The following PLCG2 variants were observed in gnomAD, a reference collection of about 807,000 sequenced individuals.
The protein encoded by PLCG2 is phospholipase C gamma 2.
In PLCG2, 69 loss-of-function variants were observed where a neutral mutation model predicts 175.6. The observed-to-expected ratio is 0.39, with a 90% confidence interval of 0.32 to 0.48. The LOEUF (loss-of-function observed/expected upper bound fraction) is 0.48, where lower values mean the gene tolerates loss of function less well. Ranked by LOEUF, PLCG2 falls within the 20% of genes least tolerant of loss-of-function variation. The probability of loss-of-function intolerance (pLI) is 0.91; values close to 1 mark genes in which losing one functional copy is unlikely to be tolerated. For missense variants in PLCG2, 1,798 were observed against 1,650.9 expected (o/e 1.09, Z -1.54); for synonymous variants, 827 against 624.0 (o/e 1.33, Z -4.85).
Position 81,939,885 on chromosome 16 carries a change from C to CT in PLCG2, c.3314-5dup, listed in dbSNP as rs1910868485. The CT allele has an allele frequency of 1.2e-6, 2 of 1,609,774 alleles. No homozygotes were observed. Among genetic ancestry groups the CT allele is most frequent in the Non-Finnish European group, 8.5e-7 (1 of 1,176,070 alleles). On this transcript the variant is annotated splice_region_variant and splice_polypyrimidine_tract_variant and intron_variant, in intron 29 of 32. Transcript: ENST00000564138. The stretch of plus-strand genomic sequence containing the variant: ...GTGGCCTCTCATGAGCTTTGATCTC[C>CT]TTCCAGATGATAATGGCCTCAGCCC...
At chr16:81,740,138 C>CAAAAAAAAAAAAAAAAAAAAAAAA (rs5818349) in intron 1 of PLCG2, 2 of 88,730 alleles carry the variant, frequency 2.3e-5, no homozygotes, top group South Asian at 4.0e-4. Context: ...ACTCTGTCTC[C>CAAAAAAAAAAAAAAAAAAAAAAAA]AAAAAAAAAA....
chr16:81,906,572 C>T (rs1302915784), intron 15 of PLCG2, among the ~76,000 whole-genome samples: 2 of 152,200 alleles, frequency 1.3e-5, no homozygotes, highest in African/African-American at 4.8e-5. Context: ...CACAGATGTG[C>T]ACCACCATGC....
chr16:81,798,706 G>C (rs1341145774), intron 2 of PLCG2: 2 of 152,284 alleles, frequency 1.3e-5, no homozygotes, highest in Non-Finnish European at 2.9e-5. Context: ...GAAGGAAATG[G>C]GAACTTACTA....
intron 7 of PLCG2, among the ~76,000 whole-genome samples, chr16:81,876,016 CTTTTTTTT>C (rs547152035): frequency 1.5e-4 from 17 of 115,012 alleles, no homozygotes; most frequent in Admixed American, 4.1e-4. Context: ...CTTTTTCTTT[CTTTTTTTT>C]TTTTTTTTTT....
intron 18 of PLCG2, among the ~76,000 whole-genome samples, chr16:81,911,848 A>C (rs1192792097): frequency 2.4e-5 from 3 of 125,004 alleles, no homozygotes; most frequent in African/African-American, 3.2e-5. Context: ...CCTAGGCTAG[A>C]GTGCAGTGGC....
At chr16:81,756,712 T>G (rs763794420) in intron 2 of PLCG2, among the ~76,000 whole-genome samples, 1 of 152,174 alleles carries the variant, frequency 6.6e-6, no homozygotes, top group Admixed American at 6.6e-5. Context: ...TTGGCACTGT[T>G]TTACAGATAA....
At chr16:81,950,172 C>G (rs1340701301) in intron 31 of PLCG2, among the ~76,000 whole-genome samples, 2 of 152,072 alleles carry the variant, frequency 1.3e-5, no homozygotes, top group Non-Finnish European at 2.9e-5. Context: ...GCTGAATCCT[C>G]CTATTAGAAA....
At chr16:81,886,270 C>G (rs965305763) in intron 9 of PLCG2, among the ~76,000 whole-genome samples, 2 of 152,110 alleles carry the variant, frequency 1.3e-5, no homozygotes, top group African/African-American at 4.8e-5. Context: ...GATCTGGGGC[C>G]AGGAGAAAGT....
intron 17 of PLCG2, 128 bp from the exon 18 acceptor site, chr16:81,910,392 C>G (rs929253770): frequency 2.5e-6 from 2 of 808,574 alleles, no homozygotes; most frequent in East Asian, 5.3e-5. Context: ...CGCCCAGCCT[C>G]CTGTGTCTGT....
intron 2 of PLCG2, among the ~76,000 whole-genome samples, chr16:81,797,571 G>A (rs766170129): frequency 3.3e-5 from 5 of 152,196 alleles, no homozygotes; most frequent in African/African-American, 4.8e-5. Context: ...CCAGCACCTG[G>A]CCCATATCTG....
upstream of PLCG2, among the ~76,000 whole-genome samples, chr16:81,776,083 CT>C (rs1910395908): frequency 2.4e-5 from 2 of 81,846 alleles, no homozygotes; most frequent in African/African-American, 8.7e-5. Context: ...TTCTCTCTCT[CT>C]CTCTCTTTCT....
intron 30 of PLCG2, among the ~76,000 whole-genome samples, chr16:81,941,997 T>C (rs2143742872): frequency 6.6e-6 from 1 of 152,360 alleles, no homozygotes; most frequent in South Asian, 2.1e-4. Flanking sequence ...ATTAGTCTAA[T>C]AAGGCTTAGG....
chr16:81,741,989 T>G (rs1909604480), intron 1 of PLCG2, among the ~76,000 whole-genome samples: 1 of 152,166 alleles, frequency 6.6e-6, no homozygotes, highest in Non-Finnish European at 1.5e-5. Flanking sequence ...TCCTCCTACC[T>G]AGCTGAAATT....
intron 1 of PLCG2, among the ~76,000 whole-genome samples, chr16:81,745,376 A>T (rs1909683920): frequency 6.6e-6 from 1 of 152,154 alleles, no homozygotes; most frequent in South Asian, 2.1e-4. Flanking sequence ...AGTCACTGAA[A>T]ATCTTCATGT....
chr16:81,909,424 T>TA (rs775540727), intron 17 of PLCG2, among the ~76,000 whole-genome samples: 2 of 151,596 alleles, frequency 1.3e-5, no homozygotes, highest in East Asian at 1.9e-4. Context: ...TTCTGTCACT[T>TA]AAAAAAAAAT....
intron 2 of PLCG2, among the ~76,000 whole-genome samples, chr16:81,824,273 A>T (rs763552705): frequency 6.6e-6 from 1 of 151,946 alleles, no homozygotes; most frequent in Middle Eastern, 3.2e-3. Context: ...AACTAGGATT[A>T]TAGGCATGCG....
At chr16:81,855,684 T>G (rs1422716231) in intron 3 of PLCG2, among the ~76,000 whole-genome samples, 1 of 152,084 alleles carries the variant, frequency 6.6e-6, no homozygotes, top group African/African-American at 2.4e-5. Flanking sequence ...CATGATACAG[T>G]GTGCTGTGAA....
chr16:81,897,812 G>C (rs948796454), intron 13 of PLCG2: 1 of 455,472 alleles, frequency 2.2e-6, no homozygotes, highest in Non-Finnish European at 4.4e-6. Context: ...CCCAAAGTGT[G>C]GGGATTATGG....
chr16:81,955,017 T>A (rs1365580287), intron 31 of PLCG2, among the ~76,000 whole-genome samples: 2 of 152,190 alleles, frequency 1.3e-5, no homozygotes, highest in African/African-American at 4.8e-5. Context: ...TCCTGACTTT[T>A]TAATATGCTT....
Sources: gnomAD v4.1 joint callset for allele counts (sites outside exome capture counted in the v4.1 genomes callset) on GRCh38, gnomAD v4.1.1 for gene constraint, MANE v1.5 for transcripts, NCBI Gene and HGNC (gene_info 2026-07-23, HGNC 2026-07-21) for gene names.